NDUFAF2: variants seen among roughly 807,000 people sequenced by gnomAD.
NDUFAF2 encodes NADH:ubiquinone oxidoreductase complex assembly factor 2.
In NDUFAF2, 13 loss-of-function variants were observed where a neutral mutation model predicts 22.8. The ratio of observed to expected loss-of-function variants is 0.57; its 90% confidence interval spans 0.37 to 0.91. NDUFAF2 has a LOEUF of 0.91. Ranked by LOEUF, NDUFAF2 falls within the 40% of genes least tolerant of loss-of-function variation. NDUFAF2 has a pLI of 0.01. For synonymous variants in NDUFAF2, 53 were observed against 64.2 expected (o/e 0.83, Z 0.84); for missense variants, 162 against 195.2 (o/e 0.83, Z 1.01).
chr5:60,971,880 A>G (rs1439894807), intron 1 of NDUFAF2, among the ~76,000 whole-genome samples: 1 of 151,356 alleles, frequency 6.6e-6, no homozygotes, highest in Admixed American at 6.6e-5. Flanking sequence ...CATTTGGCAC[A>G]ACCTCTATTT....
chr5:60,995,127 G>A (rs1184600014), intron 1 of NDUFAF2, among the ~76,000 whole-genome samples: 2 of 152,208 alleles, frequency 1.3e-5, no homozygotes, highest in East Asian at 1.9e-4. Flanking sequence ...CCTCAATACA[G>A]CAATTTTGAA....
intron 1 of NDUFAF2, among the ~76,000 whole-genome samples, chr5:61,072,707 G>A (rs897504062): frequency 1.3e-5 from 2 of 152,054 alleles, no homozygotes; most frequent in African/African-American, 2.4e-5. Context: ...AGTGATTCTC[G>A]TGCTTTAGCC....
intron 1 of NDUFAF2, among the ~76,000 whole-genome samples, chr5:61,066,299 T>G (rs1403322154): frequency 2.6e-5 from 4 of 152,032 alleles, no homozygotes; most frequent in Admixed American, 2.0e-4. Flanking sequence ...AGTGTACATA[T>G]GTAACACAAT....
At chr5:60,961,366 C>T (rs1184688331) in intron 1 of NDUFAF2, among the ~76,000 whole-genome samples, 10 of 151,966 alleles carry the variant, frequency 6.6e-5, no homozygotes, top group Non-Finnish European at 8.8e-5. Flanking sequence ...GAGGCCAAGG[C>T]GGGTGGGTCA....
At chr5:61,089,758 A>G (rs1020039262) in intron 2 of NDUFAF2, among the ~76,000 whole-genome samples, 8 of 152,112 alleles carry the variant, frequency 5.3e-5, no homozygotes, top group Non-Finnish European at 1.0e-4. Flanking sequence ...TTATTATAAT[A>G]CATTCAGTAT....
chr5:60,950,647 T>G (rs1256012738), intron 1 of NDUFAF2, among the ~76,000 whole-genome samples: 2 of 152,052 alleles, frequency 1.3e-5, no homozygotes, highest in Non-Finnish European at 1.5e-5. Context: ...CTGGGTTTTT[T>G]TTTTTTTTTT....
chr5:60,987,322 A>C (rs329625), intron 1 of NDUFAF2, among the ~76,000 whole-genome samples: 3 of 151,924 alleles, frequency 2.0e-5, no homozygotes, highest in African/African-American at 4.8e-5. Context: ...CAGGATGAGA[A>C]AGATTCTTGG....
intron 3 of NDUFAF2, among the ~76,000 whole-genome samples, chr5:61,100,128 GA>G (rs1295920448): frequency 2.2e-5 from 3 of 134,052 alleles, no homozygotes; most frequent in Non-Finnish European, 3.3e-5. Flanking sequence ...GTTTTGGGGG[GA>G]AAAAATAAAA....
At chr5:60,973,699 G>T (rs537209864) in intron 1 of NDUFAF2, among the ~76,000 whole-genome samples, 1 of 152,266 alleles carries the variant, frequency 6.6e-6, no homozygotes, top group East Asian at 1.9e-4. Flanking sequence ...TCTTGGAGTT[G>T]ATCTTTCTAG....
At chr5:61,028,197 AAGTG>A (rs1002548540) in intron 1 of NDUFAF2, among the ~76,000 whole-genome samples, 58 of 152,080 alleles carry the variant, frequency 3.8e-4, no homozygotes, top group African/African-American at 1.3e-3. Context: ...TGAAATAAGA[AAGTG>A]AGTAACATTA....
chr5:61,149,217 C>T (rs1239617365), intron 3 of NDUFAF2, among the ~76,000 whole-genome samples: 1 of 152,162 alleles, frequency 6.6e-6, no homozygotes, highest in African/African-American at 2.4e-5. Flanking sequence ...GTGATCTGCC[C>T]GCTTTGACCT....
Position 61,011,539 on chromosome 5 carries a change from C to T in NDUFAF2, c.128-61586C>T, listed in dbSNP as rs113317104. ...GTGCAAATTGTAATATCTGTTGCTG[C>T]GTGGTGGCTGCCATAAGGTAGGTCT... On this transcript the variant is annotated intron_variant, in intron 1 of 3. Transcript: ENST00000296597. 2.4e-3 allele frequency among the ~76,000 whole-genome samples: 363 copies of T among 152,144 alleles called. 8 individuals are homozygous for T. Among genetic ancestry groups the T allele is most frequent in the African/African-American group, 8.5e-3 (351 of 41,528 alleles).
At chr5:60,969,683 A>G (rs1668783625) in intron 1 of NDUFAF2, among the ~76,000 whole-genome samples, 1 of 151,876 alleles carries the variant, frequency 6.6e-6, no homozygotes, top group African/African-American at 2.4e-5. Context: ...TTGTCTCTTC[A>G]TTTTGTTGAT....
intron 1 of NDUFAF2, among the ~76,000 whole-genome samples, chr5:60,949,362 C>T (rs1319213634): frequency 4.6e-5 from 7 of 152,178 alleles, no homozygotes; most frequent in African/African-American, 7.2e-5. Flanking sequence ...AGATTCATTA[C>T]GTATATCAGT....
At chr5:61,099,575 G>T (rs1752681850) in intron 3 of NDUFAF2, among the ~76,000 whole-genome samples, 1 of 150,708 alleles carries the variant, frequency 6.6e-6, no homozygotes, top group Admixed American at 6.6e-5. Context: ...TGTAGTCAGT[G>T]ATAAACAATA....
At chr5:61,004,662 G>A (rs139015817) in intron 1 of NDUFAF2, among the ~76,000 whole-genome samples, 14 of 152,172 alleles carry the variant, frequency 9.2e-5, no homozygotes, top group African/African-American at 3.4e-4. Flanking sequence ...CTCCAGACTA[G>A]CATGGTAACT....
At chr5:61,047,399 C>T (rs994625753) in intron 1 of NDUFAF2, among the ~76,000 whole-genome samples, 2 of 151,944 alleles carry the variant, frequency 1.3e-5, no homozygotes, top group African/African-American at 2.4e-5. Context: ...TGCACCTAAC[C>T]AATTGCCTTG....
intron 1 of NDUFAF2, among the ~76,000 whole-genome samples, chr5:61,063,344 A>G (rs1475872106): frequency 1.8e-4 from 4 of 21,854 alleles, no homozygotes; most frequent in African/African-American, 4.2e-4. Flanking sequence ...CAAAAAAGTT[A>G]AAAAAAAAAA....
intron 3 of NDUFAF2, among the ~76,000 whole-genome samples, chr5:61,128,476 G>A (rs1753065685): frequency 6.6e-6 from 1 of 152,124 alleles, no homozygotes; most frequent in Non-Finnish European, 1.5e-5. Flanking sequence ...ACAGAACAGA[G>A]CCCTCAGAAA....
Sources: allele counts gnomAD v4.1 joint callset (sites outside exome capture counted in the v4.1 genomes callset), GRCh38; gene constraint gnomAD v4.1.1; transcripts MANE v1.5; gene names NCBI Gene and HGNC (gene_info 2026-07-23, HGNC 2026-07-21).